The following PDE8B variants were observed in gnomAD, a reference collection of about 807,000 sequenced individuals.
PDE8B encodes high affinity cAMP-specific and IBMX-insensitive 3',5'-cyclic phosphodiesterase 8B.
A neutral mutation model predicts 101.3 loss-of-function variants in PDE8B; 26 were observed. The ratio of observed to expected loss-of-function variants is 0.26; its 90% CI spans 0.19 to 0.36. PDE8B has a LOEUF of 0.36. Among genes scored for constraint, PDE8B ranks in the 10% least tolerant of loss-of-function variants. The pLI, the probability that PDE8B is intolerant of heterozygous loss-of-function variation, is 1.00. For missense variants in PDE8B, 810 were observed against 1,163.1 expected, an observed-to-expected ratio of 0.70 and a Z score of 4.42; for synonymous variants, 424 against 429.3, an observed-to-expected ratio of 0.99 and a Z score of 0.15.
At chr5:77,219,986 A>G (rs572865546) in intron 1 of PDE8B, among the ~76,000 whole-genome samples, 48 of 152,344 alleles carry the variant, frequency 3.2e-4, no homozygotes, top group African/African-American at 1.1e-3. Context: ...ATGCACGTGC[A>G]CACACCTGCT....
intron 11 of PDE8B, 62 bp from the exon 12 acceptor site, chr5:77,404,658 G>T: frequency 1.1e-6 from 1 of 950,968 alleles, no homozygotes; most frequent in South Asian, 1.3e-5. Flanking sequence ...AAACATGTTT[G>T]AATCTCTTCT....
intron 10 of PDE8B, among the ~76,000 whole-genome samples, chr5:77,359,716 C>A (rs1241323130): frequency 6.6e-6 from 1 of 152,162 alleles, no homozygotes; most frequent in Non-Finnish European, 1.5e-5. Flanking sequence ...CCAGCTTCAG[C>A]AGGGACCCCC....
intron 8 of PDE8B, among the ~76,000 whole-genome samples, 156 bp from the exon 9 acceptor site, chr5:77,350,909 C>T (rs910539449): frequency 6.6e-6 from 1 of 152,184 alleles, no homozygotes; most frequent in Non-Finnish European, 1.5e-5. Context: ...ACACATGTGG[C>T]CACATCAGCA....
intron 7 of PDE8B, among the ~76,000 whole-genome samples, chr5:77,348,631 G>A (rs993749786): frequency 2.0e-5 from 3 of 152,198 alleles, no homozygotes; most frequent in African/African-American, 7.2e-5. Flanking sequence ...AAATCCAGTT[G>A]TGGAGATGTG....
chr5:77,426,047 T>A, intron 21 of PDE8B, 151 bp downstream of exon 21: 1 of 719,820 alleles, frequency 1.4e-6, no homozygotes, highest in Admixed American at 2.0e-5. Flanking sequence ...TGGGGTGCAT[T>A]CTTTGCATCC....
chr5:77,160,241 TA>T, the PDE8B span, among the ~76,000 whole-genome samples: 2 of 152,124 alleles, frequency 1.3e-5, no homozygotes, highest in African/African-American at 2.4e-5. Context: ...TGTTTAAGTT[TA>T]AAAAAATAAT....
chr5:77,341,038 C>A (rs1252168325), intron 6 of PDE8B, among the ~76,000 whole-genome samples: 2 of 151,932 alleles, frequency 1.3e-5, no homozygotes, highest in African/African-American at 4.8e-5. Context: ...ATAAAGATAC[C>A]TGAGACAAAA....
At position 77,345,772 on chromosome 5, in the gene PDE8B, G is replaced by A. The variant is rs558686498; in HGVS notation, c.876+841G>A. Among the ~76,000 whole-genome samples the A allele has an allele frequency of 5.3e-5, 8 of 152,318 alleles. No homozygotes were observed. The South Asian group carries it at 1.7e-3, about 32-fold the overall frequency. On this transcript the variant is annotated intron_variant, in intron 7 of 21. Coordinates refer to ENST00000264917, the MANE Select transcript of PDE8B (RefSeq NM_003719.5). ...TCCACGAATTGGTGCTTGCCTGCCT[G>A]CTGTTGGTTTGCAGAGTGGCATGGA...
Position 77,229,367 on chromosome 5 carries a change from C to T in PDE8B, c.339+18103C>T, listed in dbSNP as rs147851026. Among the ~76,000 whole-genome samples, 20 of 152,264 alleles carry T rather than the reference C, an allele frequency of 1.3e-4. No homozygotes were observed. In the East Asian group the frequency reaches 2.1e-3, roughly 16 times the overall value. The stretch of plus-strand genomic sequence containing the variant: ...GTGCTTGCAATATTGTACTCTGGCA[C>T]GCAGATACTGCTATAGAATACCATT... On this transcript the variant is annotated intron_variant, in intron 1 of 21. Transcript: ENST00000264917.
At chr5:77,315,395 T>C (rs1773592680) in intron 2 of PDE8B, among the ~76,000 whole-genome samples, 4 of 152,210 alleles carry the variant, frequency 2.6e-5, no homozygotes. Flanking sequence ...TGTTTCCAGC[T>C]CCACTTATTA....
At chr5:77,367,524 TTC>T in intron 10 of PDE8B, among the ~76,000 whole-genome samples, 1 of 123,774 alleles carries the variant, frequency 8.1e-6, no homozygotes, top group Non-Finnish European at 1.5e-5. Context: ...CCTTCTCTTT[TTC>T]TCTCTTTTTT....
the PDE8B span, chr5:77,144,248 C>T: frequency 6.6e-6 from 1 of 152,334 alleles, no homozygotes. Flanking sequence ...GGAGTGCCTC[C>T]AGAGGGGAGC....
intron 10 of PDE8B, among the ~76,000 whole-genome samples, chr5:77,387,595 G>A (rs1788996237): frequency 6.6e-6 from 1 of 152,128 alleles, no homozygotes; most frequent in African/African-American, 2.4e-5. Flanking sequence ...GGTGTTCTCT[G>A]TAATTCCTGA....
At chr5:77,157,918 C>T in the PDE8B span, among the ~76,000 whole-genome samples, 32 of 152,332 alleles carry the variant, frequency 2.1e-4, no homozygotes, top group Non-Finnish European at 3.5e-4. Flanking sequence ...TGCCCCTCCT[C>T]CATCAGAGCC....
intron 1 of PDE8B, among the ~76,000 whole-genome samples, chr5:77,274,578 T>C (rs1204494128): frequency 6.6e-6 from 1 of 152,234 alleles, no homozygotes; most frequent in Non-Finnish European, 1.5e-5. Flanking sequence ...AATAGTACCT[T>C]GGTATTCTGA....
intron 14 of PDE8B, 126 bp downstream of exon 14, chr5:77,409,183 A>G (rs367689106): frequency 3.9e-6 from 3 of 760,868 alleles, no homozygotes. Context: ...TAGCATAACC[A>G]GAAGCAACTG....
intron 1 of PDE8B, among the ~76,000 whole-genome samples, chr5:77,228,751 A>T (rs1349555758): frequency 6.6e-6 from 1 of 152,202 alleles, no homozygotes; most frequent in Non-Finnish European, 1.5e-5. Context: ...TGAAGAATGA[A>T]GACTTTATCA....
chr5:77,169,805 T>A, the PDE8B span, among the ~76,000 whole-genome samples: 1 of 152,114 alleles, frequency 6.6e-6, no homozygotes, highest in Non-Finnish European at 1.5e-5. Context: ...CCTGGAGGTG[T>A]GCTACTGCAG....
At chr5:77,422,628 A>G (rs1796912067) in intron 20 of PDE8B, among the ~76,000 whole-genome samples, 1 of 152,048 alleles carries the variant, frequency 6.6e-6, no homozygotes, top group Admixed American at 6.6e-5. Flanking sequence ...GTAGCAGTGT[A>G]GAGAGTTAAA....
Sources: gnomAD v4.1 joint callset for allele counts (sites outside exome capture counted in the v4.1 genomes callset) on GRCh38, gnomAD v4.1.1 for gene constraint, MANE v1.5 for transcripts, NCBI Gene and HGNC (gene_info 2026-07-23, HGNC 2026-07-21) for gene names.